XG: variants seen among roughly 807,000 people sequenced by gnomAD.
XG encodes the protein glycoprotein Xg.
A neutral mutation model predicts 25.7 loss-of-function variants in XG; 24 were observed. The ratio of observed to expected loss-of-function variants is 0.93; its 90% CI spans 0.68 to 1.31. The LOEUF (loss-of-function observed/expected upper bound fraction) is 1.31. Among genes scored for constraint, XG ranks in the 40% most tolerant of loss-of-function variants. The pLI, the probability that XG is intolerant of heterozygous loss-of-function variation, is 0.00. For synonymous variants in XG, 77 were observed against 69.2 expected, an observed-to-expected ratio of 1.11 and a Z score of -0.56; for missense variants, 181 against 187.6, an observed-to-expected ratio of 0.96 and a Z score of 0.21.
intron 6 of XG, among the ~76,000 whole-genome samples, chrX:2,795,753 G>A (rs781588205): frequency 9.0e-6 from 1 of 110,519 alleles, no homozygotes; most frequent in Non-Finnish European, 1.9e-5. Context: ...CTGCCTCCCG[G>A]GTTCAAGTGA....
chrX:2,766,439 T>A (rs2050691598), intron 1 of XG, among the ~76,000 whole-genome samples: 1 of 150,364 alleles, frequency 6.7e-6, no homozygotes, highest in Non-Finnish European at 1.5e-5. Flanking sequence ...GCACCCGGCC[T>A]CTTCTTGGCC....
intron 1 of XG, among the ~76,000 whole-genome samples, chrX:2,769,948 G>A (rs1383689177): frequency 1.4e-5 from 2 of 146,404 alleles, no homozygotes; most frequent in South Asian, 2.2e-4. Context: ...AGGCATCCAG[G>A]ACCCTCACAT....
At chrX:2,800,788 G>C (rs2086927710) in intron 7 of XG, among the ~76,000 whole-genome samples, 1 of 111,047 alleles carries the variant, frequency 9.0e-6, no homozygotes, top group Admixed American at 9.6e-5. Flanking sequence ...AGGAGTTCAA[G>C]ACCAGCCTGG....
At chrX:2,810,030 G>C (rs112337114) in intron 9 of XG, among the ~76,000 whole-genome samples, 13 of 112,261 alleles carry the variant, frequency 1.2e-4, no homozygotes, top group African/African-American at 3.9e-4. Context: ...GTTCATGTAG[G>C]GAGGGGAAGA....
At chrX:2,776,711 G>A (rs1446509876) in intron 3 of XG, among the ~76,000 whole-genome samples, 9 of 152,194 alleles carry the variant, frequency 5.9e-5, no homozygotes, top group Non-Finnish European at 8.8e-5. Context: ...TGCCAGGCAT[G>A]GTGGCGGGCG....
At chrX:2,769,106 G>A (rs1045885431) in intron 1 of XG, among the ~76,000 whole-genome samples, 4 of 152,196 alleles carry the variant, frequency 2.6e-5, no homozygotes, top group Middle Eastern at 3.2e-3. Flanking sequence ...CTCCGGAGAG[G>A]CCCTAATTGC....
intron 1 of XG, among the ~76,000 whole-genome samples, chrX:2,755,752 G>A (rs2050420604): frequency 1.3e-5 from 2 of 152,268 alleles, no homozygotes; most frequent in South Asian, 4.1e-4. Flanking sequence ...CAGCAGCTGG[G>A]TATGTCCTGG....
At chrX:2,767,773 G>A (rs1373431936) in intron 1 of XG, among the ~76,000 whole-genome samples, 1 of 152,212 alleles carries the variant, frequency 6.6e-6, no homozygotes, top group African/African-American at 2.4e-5. Context: ...ATGCGGGACT[G>A]GAGACTGTCT....
At chrX:2,780,423 T>C (rs1340985987) in intron 3 of XG, among the ~76,000 whole-genome samples, 3 of 119,262 alleles carry the variant, frequency 2.5e-5, no homozygotes, top group East Asian at 2.7e-4. Context: ...TTTTTTTTTT[T>C]CTAAAAAAAA....
intron 1 of XG, among the ~76,000 whole-genome samples, chrX:2,759,167 T>C (rs1478132653): frequency 2.0e-5 from 3 of 152,284 alleles, no homozygotes; most frequent in South Asian, 2.1e-4. Context: ...ACAATTTTGG[T>C]AGTTGCACTG....
chrX:2,802,402 C>T (rs1365989633), intron 7 of XG, among the ~76,000 whole-genome samples: 2 of 111,438 alleles, frequency 1.8e-5, no homozygotes, highest in African/African-American at 3.3e-5. Flanking sequence ...AGTGTTTCTC[C>T]GACCTCAGCC....
intron 5 of XG, 146 bp from the exon 6 acceptor site, chrX:2,794,389 C>A: frequency 1.6e-6 from 1 of 610,005 alleles, no homozygotes; most frequent in Non-Finnish European, 2.5e-6. Flanking sequence ...AATTTAATTC[C>A]TGGTGCCTGT....
intron 1 of XG, among the ~76,000 whole-genome samples, chrX:2,770,024 T>TGGG (rs1228784732): frequency 7.1e-5 from 2 of 28,160 alleles, no homozygotes; most frequent in Non-Finnish European, 1.4e-4. Context: ...TGTGGAGGGG[T>TGGG]GGGGGGGGCG....
intron 1 of XG, among the ~76,000 whole-genome samples, chrX:2,754,529 AG>A (rs2050394873): frequency 6.6e-6 from 1 of 152,192 alleles, no homozygotes; most frequent in African/African-American, 2.4e-5. Flanking sequence ...TGTATTAGTC[AG>A]GGTTCTCTAG....
intron 1 of XG, among the ~76,000 whole-genome samples, chrX:2,754,166 A>G (rs2050387786): frequency 6.6e-6 from 1 of 152,084 alleles, no homozygotes; most frequent in South Asian, 2.1e-4. Context: ...TGGTTCCATC[A>G]TAGCTCACTG....
intron 5 of XG, among the ~76,000 whole-genome samples, chrX:2,790,791 ACT>A (rs1227696457): frequency 1.8e-5 from 2 of 111,254 alleles, no homozygotes; most frequent in South Asian, 3.8e-4. Context: ...ATAGAGTGAG[ACT>A]CTGTCTCAAA....
intron 4 of XG, among the ~76,000 whole-genome samples, chrX:2,783,273 T>C (rs1348602016): frequency 4.0e-5 from 4 of 100,355 alleles, no homozygotes; most frequent in Admixed American, 2.4e-4. Context: ...ACAGTTTTTT[T>C]CCACAGATTT....
At chrX:2,810,335 C>A (rs1189480453) in intron 9 of XG, among the ~76,000 whole-genome samples, 2 of 111,143 alleles carry the variant, frequency 1.8e-5, no homozygotes, top group African/African-American at 6.5e-5. Flanking sequence ...GTTCTTTGTG[C>A]AGGAGTGCCA....
intron 4 of XG, among the ~76,000 whole-genome samples, chrX:2,782,759 G>A (rs2086743564): frequency 9.0e-6 from 1 of 111,659 alleles, no homozygotes; most frequent in African/African-American, 3.3e-5. Context: ...TTACCCCCAG[G>A]AGAAACTTGG....
Sources: gnomAD v4.1 joint callset for allele counts (sites outside exome capture counted in the v4.1 genomes callset) on GRCh38, gnomAD v4.1.1 for gene constraint, MANE v1.5 for transcripts, NCBI Gene and HGNC (gene_info 2026-07-23, HGNC 2026-07-21) for gene names.